The following FBXO11 variants were observed in gnomAD, a reference collection of about 807,000 sequenced individuals.
FBXO11 encodes the protein F-box protein 11, also known as F-box only protein 11.
FBXO11 carries 13 observed loss-of-function variants against 117.0 expected under a neutral mutation model. The observed-to-expected ratio is 0.11, with a 90% CI of 0.07 to 0.18. The LOEUF is 0.18. FBXO11 is among the 10% of genes least tolerant of loss of function. The pLI, the probability that FBXO11 is intolerant of heterozygous loss-of-function variation, is 1.00. For synonymous variants in FBXO11, 490 were observed against 380.5 expected (o/e 1.29, Z -3.35); for missense variants, 767 against 1,164.4 (o/e 0.66, Z 4.97).
chr2:47,839,542 TC>T, intron 2 of FBXO11, 42 bp from the exon 3 acceptor site: 1 of 1,602,894 alleles, frequency 6.2e-7, no homozygotes, highest in East Asian at 2.2e-5. Context: ...AATATTCTTA[TC>T]ATCCATAATC....
chr2:47,883,836 G>T, intron 1 of FBXO11: 1 of 200,716 alleles, frequency 5.0e-6, no homozygotes. Context: ...GTGCTGCAGT[G>T]TTTACAGCAA....
At chr2:47,905,432 GC>G (rs1678710401) in intron 1 of FBXO11, 56 bp downstream of exon 1, 3 of 1,183,910 alleles carry the variant, frequency 2.5e-6, no homozygotes, top group Admixed American at 4.6e-5. Context: ...GCCCGCCCCG[GC>G]CTCCCTTCCC....
chr2:47,881,822 C>A (rs1676451049), intron 1 of FBXO11, among the ~76,000 whole-genome samples: 1 of 152,092 alleles, frequency 6.6e-6, no homozygotes, highest in South Asian at 2.1e-4. Flanking sequence ...TAATCTCTCA[C>A]TGCAACCATC....
intron 3 of FBXO11, 49 bp from the exon 4 acceptor site, chr2:47,839,052 ATTAT>A: frequency 6.5e-7 from 1 of 1,534,380 alleles, no homozygotes; most frequent in Non-Finnish European, 8.8e-7. Context: ...TAACTTTCTC[ATTAT>A]TTAAAGAACA....
At chr2:47,886,352 A>G (rs1676845150) in intron 1 of FBXO11, among the ~76,000 whole-genome samples, 1 of 152,076 alleles carries the variant, frequency 6.6e-6, no homozygotes, top group African/African-American at 2.4e-5. Flanking sequence ...CTAAAAATGC[A>G]AAAATTAGCA....
intron 1 of FBXO11, among the ~76,000 whole-genome samples, chr2:47,887,691 T>A (rs1049342809): frequency 6.6e-6 from 1 of 151,924 alleles, no homozygotes; most frequent in African/African-American, 2.4e-5. Flanking sequence ...TGAAATCTCG[T>A]CTTTACAAAA....
chr2:47,905,918 G>C lies in FBXO11; in HGVS notation c.-198C>G, dbSNP rs1002441498. The C allele has an allele frequency of 8.6e-6, 5 of 582,016 alleles. No homozygotes were observed. In the African/African-American group the frequency reaches 9.8e-5, roughly 11 times the overall value. 36.1% of individuals were successfully genotyped at this position (582,016 alleles called of 1,614,324 possible). On this transcript the variant is annotated 5_prime_UTR_variant, in exon 1 of 23. Coordinates refer to ENST00000403359, the MANE Select transcript of FBXO11 (RefSeq NM_001190274.2). ...AGAAAGGCCCGGGTAGACAGACGGA[G>C]ACCGAGCGAGGCCGGCCGGGAGGGC...
intron 1 of FBXO11, among the ~76,000 whole-genome samples, chr2:47,882,201 T>A (rs780918197): frequency 6.6e-6 from 1 of 152,338 alleles, no homozygotes; most frequent in East Asian, 1.9e-4. Flanking sequence ...TTAAGAACAA[T>A]GTGACTGGAT....
intron 19 of FBXO11, chr2:47,809,912 T>G: frequency 1.8e-6 from 1 of 544,788 alleles, no homozygotes; most frequent in Non-Finnish European, 3.2e-6. Context: ...CAATTAACTT[T>G]CGCACCAACC....
At chr2:47,810,488 G>T in intron 18 of FBXO11, 62 bp from the exon 19 acceptor site, 2 of 1,031,488 alleles carry the variant, frequency 1.9e-6, no homozygotes, top group Non-Finnish European at 2.8e-6. Flanking sequence ...AACCTTTTTG[G>T]TGGTATTTAG....
At chr2:47,875,141 A>G (rs1483978845) in intron 1 of FBXO11, among the ~76,000 whole-genome samples, 1 of 152,186 alleles carries the variant, frequency 6.6e-6, no homozygotes, top group Non-Finnish European at 1.5e-5. Context: ...AATGTTCCGT[A>G]TCTGTGCAGT....
intron 7 of FBXO11, among the ~76,000 whole-genome samples, chr2:47,833,517 A>G (rs1323407296): frequency 6.6e-6 from 1 of 152,230 alleles, no homozygotes; most frequent in East Asian, 1.9e-4. Flanking sequence ...ATAGAGGAAG[A>G]AAGCAAAAGA....
chr2:47,892,502 A>G (rs1430464629), intron 1 of FBXO11, among the ~76,000 whole-genome samples: 4 of 152,178 alleles, frequency 2.6e-5, no homozygotes, highest in African/African-American at 9.7e-5. Context: ...CTCTAGATAT[A>G]TTCAGCTACA....
intron 1 of FBXO11, among the ~76,000 whole-genome samples, chr2:47,871,176 G>C (rs1286501510): frequency 6.6e-6 from 1 of 152,150 alleles, no homozygotes; most frequent in Non-Finnish European, 1.5e-5. Flanking sequence ...CTACCTGCTT[G>C]CTCTCTTCGA....
chr2:47,879,255 A>G (rs1676257229), intron 1 of FBXO11, among the ~76,000 whole-genome samples: 1 of 152,192 alleles, frequency 6.6e-6, no homozygotes, highest in Admixed American at 6.5e-5. Context: ...TGATACATGT[A>G]TCATGTGGTG....
intron 1 of FBXO11, among the ~76,000 whole-genome samples, chr2:47,885,059 T>C (rs999756941): frequency 1.3e-5 from 2 of 152,214 alleles, no homozygotes; most frequent in Non-Finnish European, 2.9e-5. Context: ...ATGAACTTAC[T>C]ATGTAAAACA....
At chr2:47,828,290 T>C (rs557676134) in intron 11 of FBXO11, among the ~76,000 whole-genome samples, 2 of 152,230 alleles carry the variant, frequency 1.3e-5, no homozygotes, top group Non-Finnish European at 2.9e-5. Context: ...CTCTGCTTTG[T>C]CTTTTAATGC....
In FBXO11 at chr2:47,905,758, ACACACG is replaced by A. The variant is rs145699498; in HGVS notation, c.-44_-39del. ...GGTGGCGGCGTTGGCGGAGGGACAC[ACACACG>A]CACACGCACAGCGAGCTTCGGGGCA... On this transcript the variant is annotated 5_prime_UTR_variant, in exon 1 of 23. Transcript: ENST00000403359. 183 of 1,304,968 alleles carry A rather than the reference ACACACG, an allele frequency of 1.4e-4. No individual in the cohort carries two copies. Among genetic ancestry groups the A allele is most frequent in the Admixed American group, 1.6e-4 (7 of 43,120 alleles). The allele number at this position is 1,304,968 out of a possible 1,614,324, so 80.8% of individuals were successfully genotyped here.
Position 47,837,398 on chromosome 2 carries a change from G to A in FBXO11, c.588-1397C>T, listed in dbSNP as rs542728786. ...AAAAAATAGCTGGGCATGGTGGGAGGTGCCTGTAATCCCAGCTACTCAGGA... is the reference window on the plus strand; with the variant it reads ...AAAAAATAGCTGGGCATGGTGGGAGATGCCTGTAATCCCAGCTACTCAGGA... On this transcript the variant is annotated intron_variant, in intron 4 of 22. Transcript: ENST00000403359. Among the ~76,000 whole-genome samples the A allele has an allele frequency of 2.1e-3, 315 of 152,244 alleles. 1 individual carries two copies. Among genetic ancestry groups the A allele is most frequent in the Non-Finnish European group, 3.9e-3 (263 of 68,008 alleles).
Sources: allele counts gnomAD v4.1 joint callset (sites outside exome capture counted in the v4.1 genomes callset), GRCh38; gene constraint gnomAD v4.1.1; transcripts MANE v1.5; gene names NCBI Gene and HGNC (gene_info 2026-07-23, HGNC 2026-07-21).